Variants in CBX5 observed in about 807,000 individuals in gnomAD.
CBX5 encodes the protein chromobox protein homolog 5.
In CBX5, 7 loss-of-function variants were observed where a neutral mutation model predicts 20.7. That is an observed-to-expected ratio of 0.34 (90% confidence interval 0.19 to 0.63). The LOEUF is 0.63. CBX5 is among the 30% of genes least tolerant of loss of function. The pLI, the probability that CBX5 is intolerant of heterozygous loss-of-function variation, is 0.75. For missense variants in CBX5, 110 were observed against 224.1 expected (o/e 0.49, Z 3.25); for synonymous variants, 78 against 77.0 (o/e 1.01, Z -0.07).
At chr12:54,252,341 T>C (rs989684344) in intron 2 of CBX5, 114 bp from the exon 3 acceptor site, 1 of 627,122 alleles carries the variant, frequency 1.6e-6, no homozygotes, top group African/African-American at 2.0e-5. Context: ...AGAGAAACCC[T>C]ATGCTTTAAA....
At chr12:54,276,358 C>T (rs977206138) in intron 1 of CBX5, among the ~76,000 whole-genome samples, 5 of 152,154 alleles carry the variant, frequency 3.3e-5, no homozygotes, top group African/African-American at 1.2e-4. Flanking sequence ...TTACATTAGC[C>T]TACTGTTGGA....
At chr12:54,277,328 C>T (rs1592166648) in intron 1 of CBX5, among the ~76,000 whole-genome samples, 1 of 152,212 alleles carries the variant, frequency 6.6e-6, no homozygotes, top group South Asian at 2.1e-4. Flanking sequence ...CTCCGCCTCC[C>T]GAGTAGCTGG....
At chr12:54,254,663 G>A (rs1004914316) in intron 2 of CBX5, among the ~76,000 whole-genome samples, 1 of 152,000 alleles carries the variant, frequency 6.6e-6, no homozygotes, top group Non-Finnish European at 1.5e-5. Flanking sequence ...GACCATCCTG[G>A]CCAACACAGT....
intron 1 of CBX5, chr12:54,271,966 C>T (rs1313096017): frequency 6.6e-6 from 1 of 152,098 alleles, no homozygotes; most frequent in African/African-American, 2.4e-5. Flanking sequence ...TGTTGTGAAA[C>T]ACTGAACAAA....
intron 1 of CBX5, among the ~76,000 whole-genome samples, chr12:54,269,352 G>A (rs1207957807): frequency 6.6e-6 from 1 of 152,164 alleles, no homozygotes; most frequent in Non-Finnish European, 1.5e-5. Context: ...CTTCCTAAAA[G>A]GTTTGGTAAA....
rs1017386535 is a variant in CBX5, at chr12:54,236,091, A to C, written c.*5664T>G. On this transcript the variant is annotated 3_prime_UTR_variant, in exon 5 of 5. Coordinates refer to ENST00000209875, the MANE Select transcript of CBX5 (RefSeq NM_012117.3). ...TATGGCCAGCTGGCTCAGTTCACCCAATGTTATAGGTCTTTTCCACATATA... is the reference window on the plus strand; with the variant it reads ...TATGGCCAGCTGGCTCAGTTCACCCCATGTTATAGGTCTTTTCCACATATA... 6.6e-6 allele frequency: 1 copy of C among 152,182 alleles called. No individual in the cohort carries two copies. The highest frequency in any genetic ancestry group is 1.5e-5 in the Non-Finnish European group (1 of 68,028). The allele number at this position is 152,182 out of a possible 1,614,324, so 9.4% of individuals were successfully genotyped here.
At position 54,269,534 on chromosome 12, in the gene CBX5, G is replaced by A. The variant is rs188455925; in HGVS notation, c.-43+10474C>T. Among the ~76,000 whole-genome samples, 70 of 152,022 alleles carry A rather than the reference G, an allele frequency of 4.6e-4. 1 individual carries two copies. The highest frequency in any genetic ancestry group is 1.6e-3 in the African/African-American group (68 of 41,498). ...CTCCCGAGTAGCTGGGACTACAGGAGCACACCACCATGCCTGGCTCATTTT... is the reference window on the plus strand; with the variant it reads ...CTCCCGAGTAGCTGGGACTACAGGAACACACCACCATGCCTGGCTCATTTT... On this transcript the variant is annotated intron_variant, in intron 1 of 4. Coordinates refer to ENST00000209875, the MANE Select transcript of CBX5 (RefSeq NM_012117.3).
At chr12:54,251,117 C>A (rs1388533122) in intron 3 of CBX5, among the ~76,000 whole-genome samples, 16 of 146,558 alleles carry the variant, frequency 1.1e-4, no homozygotes, top group Admixed American at 8.2e-4. Context: ...GGTGACAGAG[C>A]GATATTCTGT....
rs919368990 is a variant in CBX5 at position 54,236,936 on chromosome 12, C to T, written c.*4819G>A. ...CCAATGCCCTGTGGTTTGGCCTGAA[C>T]ATAGGGAAAATGGACTGCTGGGTGG... On this transcript the variant is annotated 3_prime_UTR_variant, in exon 5 of 5. Coordinates refer to ENST00000209875, the MANE Select transcript of CBX5 (RefSeq NM_012117.3). 6.6e-6 allele frequency: 1 copy of T among 152,072 alleles called. No homozygotes were observed. Among genetic ancestry groups the T allele is most frequent in the African/African-American group, 2.4e-5 (1 of 41,414 alleles). The allele number at this position is 152,072 out of a possible 1,614,324, so 9.4% of individuals were successfully genotyped here.
intron 3 of CBX5, among the ~76,000 whole-genome samples, chr12:54,250,050 C>T (rs999238474): frequency 1.3e-5 from 2 of 151,910 alleles, no homozygotes; most frequent in Non-Finnish European, 2.9e-5. Flanking sequence ...TGGAGAAACA[C>T]CCTCTCTACT....
intron 4 of CBX5, among the ~76,000 whole-genome samples, chr12:54,242,385 C>T (rs1354530169): frequency 2.6e-5 from 4 of 151,998 alleles, no homozygotes; most frequent in African/African-American, 4.8e-5. Context: ...ATTAGCCGGG[C>T]GTGGTGGCGG....
At chr12:54,272,930 T>C (rs1274097012) in intron 1 of CBX5, 1 of 152,174 alleles carries the variant, frequency 6.6e-6, no homozygotes, top group Non-Finnish European at 1.5e-5. Flanking sequence ...CATTAGATAA[T>C]GGCAGAGGCA....
chr12:54,269,526 C>A (rs1943989375), intron 1 of CBX5, among the ~76,000 whole-genome samples: 1 of 151,888 alleles, frequency 6.6e-6, no homozygotes. Flanking sequence ...GTAGCTGGGA[C>A]TACAGGAGCA....
rs1245781813 is a variant in CBX5, at chr12:54,269,907, TA to T, written c.-43+10100del. ...GGTTCTGTATTTAAGTGAGTTTTGG[TA>T]GTTTGTCTTCAAGGAAGTTACTAAC... On this transcript the variant is annotated intron_variant, in intron 1 of 4. Coordinates refer to ENST00000209875, the MANE Select transcript of CBX5 (RefSeq NM_012117.3). 5.3e-5 allele frequency among the ~76,000 whole-genome samples: 8 copies of T among 152,284 alleles called. 1 individual carries two copies. The highest frequency in any genetic ancestry group is 2.0e-4 in the Admixed American group (3 of 15,288).
chr12:54,254,186 C>T (rs921354220), intron 2 of CBX5, among the ~76,000 whole-genome samples: 1 of 151,190 alleles, frequency 6.6e-6, no homozygotes, highest in African/African-American at 2.4e-5. Context: ...CTGAAGCAGT[C>T]GGGCATGGTG....
chr12:54,270,764 T>C (rs1944001164), intron 1 of CBX5, among the ~76,000 whole-genome samples: 1 of 152,158 alleles, frequency 6.6e-6, no homozygotes, highest in African/African-American at 2.4e-5. Context: ...GAAATAAACA[T>C]ACCTTGGCCA....
intron 1 of CBX5, among the ~76,000 whole-genome samples, chr12:54,269,373 G>A (rs1349914524): frequency 3.9e-5 from 6 of 152,182 alleles, no homozygotes; most frequent in Non-Finnish European, 1.5e-5. Context: ...ATTCTTCAGT[G>A]AAGCCATCTG....
At chr12:54,276,109 G>A (rs1016868158) in intron 1 of CBX5, among the ~76,000 whole-genome samples, 11 of 151,458 alleles carry the variant, frequency 7.3e-5, no homozygotes, top group Admixed American at 5.9e-4. Flanking sequence ...ACTTGCACAC[G>A]ACAGTAAACT....
In CBX5 at chr12:54,238,600, G is replaced by A. The variant is rs181410562; in HGVS notation, c.*3155C>T. 1 of 152,094 alleles carries A rather than the reference G, an allele frequency of 6.6e-6. No homozygotes were observed. Among genetic ancestry groups the A allele is most frequent in the Admixed American group, 6.5e-5 (1 of 15,286 alleles). The allele number at this position is 152,094 out of a possible 1,614,324, so 9.4% of individuals were successfully genotyped here. ...AAAGACAATACAATTTTAGTACTGGGGGAAAAAAAACTAGATTGTTATTTG... is the reference window on the plus strand; with the variant it reads ...AAAGACAATACAATTTTAGTACTGGAGGAAAAAAAACTAGATTGTTATTTG... On this transcript the variant is annotated 3_prime_UTR_variant, in exon 5 of 5. Transcript: ENST00000209875.
Sources: allele counts gnomAD v4.1 joint callset (sites outside exome capture counted in the v4.1 genomes callset), GRCh38; gene constraint gnomAD v4.1.1; transcripts MANE v1.5; gene names NCBI Gene and HGNC (gene_info 2026-07-23, HGNC 2026-07-21).